TMC2: variants seen among roughly 807,000 people sequenced by gnomAD.
The protein encoded by TMC2 is transmembrane channel like 2.
Under a neutral mutation model 105.9 loss-of-function variants are expected in TMC2, and 102 were observed. That is an observed-to-expected ratio of 0.96 (90% CI 0.82 to 1.14). The LOEUF (loss-of-function observed/expected upper bound fraction) is 1.14. Ranked by LOEUF, TMC2 falls within the 50% of genes most tolerant of loss-of-function variation. The probability of loss-of-function intolerance (pLI) is 0.00; values close to 1 mark genes in which losing one functional copy is unlikely to be tolerated. For missense variants in TMC2, 1,093 were observed against 1,134.3 expected (o/e 0.96, Z 0.52); for synonymous variants, 402 against 422.8 (o/e 0.95, Z 0.60).
chr20:2,551,398 T>TG (rs1206738973), intron 2 of TMC2, among the ~76,000 whole-genome samples: 2 of 140,756 alleles, frequency 1.4e-5, no homozygotes, highest in South Asian at 4.4e-4. Context: ...TACTAGTTTG[T>TG]GGGTTTTTTT....
Position 2,641,255 on chromosome 20 carries a change from G to A in TMC2, c.2625G>A (p.Arg875=). ...LPASGHLPIS[R]PPGIGPDSGH... ...CCTCTGGACACCTTCCTATATCTCGGCCCCCTGGAATCGGACCAGATTCTG... is the reference window on the plus strand; with the variant it reads ...CCTCTGGACACCTTCCTATATCTCGACCCCCTGGAATCGGACCAGATTCTG... Residue 875 remains arginine (R), a synonymous_variant, in exon 20 of 20, where the codon CGG becomes CGA. Transcript: ENST00000358864. 1 of 1,614,030 alleles carries A rather than the reference G, an allele frequency of 6.2e-7. No individual in the cohort carries two copies. The highest frequency in any genetic ancestry group is 8.5e-7 in the Non-Finnish European group (1 of 1,179,988).
intron 19 of TMC2, among the ~76,000 whole-genome samples, chr20:2,639,015 C>G (rs2086669389): frequency 6.6e-6 from 1 of 152,094 alleles, no homozygotes; most frequent in Non-Finnish European, 1.5e-5. Context: ...CCTGCCTCAG[C>G]CTCCTGAGTA....
At chr20:2,579,466 G>T (rs2086173101) in intron 6 of TMC2, among the ~76,000 whole-genome samples, 1 of 151,268 alleles carries the variant, frequency 6.6e-6, no homozygotes, top group African/African-American at 2.4e-5. Flanking sequence ...CTGTTGCCCA[G>T]GCTGGAGTGC....
chr20:2,556,213 C>T (rs1340909927), intron 2 of TMC2, among the ~76,000 whole-genome samples: 1 of 152,108 alleles, frequency 6.6e-6, no homozygotes, highest in Non-Finnish European at 1.5e-5. Flanking sequence ...CTCAGCCTTC[C>T]CAGTAGCTGG....
chr20:2,639,653 C>A (rs1272850802), intron 19 of TMC2, among the ~76,000 whole-genome samples: 1 of 152,144 alleles, frequency 6.6e-6, no homozygotes, highest in Non-Finnish European at 1.5e-5. Context: ...AGTTTATATT[C>A]TCTGAAAAGA....
Position 2,558,644 on chromosome 20 carries a change from G to A in TMC2, c.271G>A (p.Ala91Thr), listed in dbSNP as rs1254261500. 1 of 1,576,220 alleles carries A rather than the reference G, an allele frequency of 6.3e-7. No homozygotes were observed. Among genetic ancestry groups the A allele is most frequent in the East Asian group, 2.3e-5 (1 of 43,234 alleles). Residue 91 changes from alanine (A) to threonine (T), a missense_variant, in exon 3 of 20, where the codon GCA (alanine) becomes ACA (threonine). Coordinates refer to ENST00000358864, the MANE Select transcript of TMC2 (RefSeq NM_080751.3). This position sits in a 1 kb window ranked among gnomAD's most constrained non-coding sequence, Gnocchi z 4.6. ...GCTGGGGGAGCAGGAGCGGGGCGAGGCAGAGAGGACCTGCGAGGGCAGGAG... is the reference window on the plus strand; with the variant it reads ...GCTGGGGGAGCAGGAGCGGGGCGAGACAGAGAGGACCTGCGAGGGCAGGAG... ...EELGEQERGE[A>T]ERTCEGRRKR...
intron 17 of TMC2, among the ~76,000 whole-genome samples, chr20:2,626,611 T>C (rs970181021): frequency 1.3e-5 from 2 of 152,246 alleles, no homozygotes; most frequent in Non-Finnish European, 2.9e-5. Context: ...AGTCATAGTA[T>C]TGTGGCCATC....
intron 5 of TMC2, among the ~76,000 whole-genome samples, chr20:2,576,923 T>G (rs1408278660): frequency 1.4e-5 from 2 of 147,462 alleles, no homozygotes; most frequent in African/African-American, 5.1e-5. Context: ...GTTTTTTTTT[T>G]TTTGAGATGG....
chr20:2,640,788 C>T (rs928497393), intron 19 of TMC2, among the ~76,000 whole-genome samples: 1 of 152,192 alleles, frequency 6.6e-6, no homozygotes, highest in African/African-American at 2.4e-5. Flanking sequence ...ACAATTCCCA[C>T]AGCCCCTCCC....
At chr20:2,629,436 A>C (rs189126266) in intron 17 of TMC2, among the ~76,000 whole-genome samples, 1 of 151,500 alleles carries the variant, frequency 6.6e-6, no homozygotes, top group Non-Finnish European at 1.5e-5. Context: ...GGAAGAAAAC[A>C]ACCAGGGAAT....
At chr20:2,559,053 G>T (rs1308791700) in intron 3 of TMC2, among the ~76,000 whole-genome samples, 48 of 151,998 alleles carry the variant, frequency 3.2e-4, no homozygotes, top group Non-Finnish European at 3.1e-4. Context: ...GGCGCGGGTG[G>T]AGAGGTGGCG....
Position 2,553,058 on chromosome 20 carries a change from TA to T in TMC2, c.83-5397del, listed in dbSNP as rs369837045. On this transcript the variant is annotated intron_variant, in intron 2 of 19. Transcript: ENST00000358864. ...TACTATCTGTGAACAAAGACAGTTT[TA>T]TTTTTTTGTTCCCATTTAGTCTACT... is the stretch of plus-strand genomic sequence containing the variant. 3.1e-3 allele frequency among the ~76,000 whole-genome samples: 472 copies of T among 152,292 alleles called. 4 individuals are homozygous for T. The highest frequency in any genetic ancestry group is 0.011 in the African/African-American group (445 of 41,528).
At chr20:2,619,102 T>C (rs1353468696) in intron 16 of TMC2, among the ~76,000 whole-genome samples, 2 of 152,080 alleles carry the variant, frequency 1.3e-5, no homozygotes, top group African/African-American at 2.4e-5. Flanking sequence ...GGGTCGTATA[T>C]GCAAAACAGC....
intron 4 of TMC2, among the ~76,000 whole-genome samples, chr20:2,570,165 A>C: frequency 6.6e-6 from 1 of 152,084 alleles, no homozygotes; most frequent in East Asian, 1.9e-4. Flanking sequence ...AATGAAAGGC[A>C]GGAAAGAAGG....
intron 10 of TMC2, among the ~76,000 whole-genome samples, chr20:2,598,016 C>T (rs372964938): frequency 2.0e-5 from 3 of 152,082 alleles, no homozygotes; most frequent in Non-Finnish European, 4.4e-5. Flanking sequence ...AGGGTCCTGA[C>T]ATTGGTTTTT....
intron 17 of TMC2, among the ~76,000 whole-genome samples, chr20:2,630,992 A>G (rs929716069): frequency 5.3e-5 from 8 of 152,082 alleles, no homozygotes; most frequent in African/African-American, 1.9e-4. Flanking sequence ...TATATGTCTT[A>G]TGTATTTTTG....
chr20:2,642,307 T>C lies in TMC2; in HGVS notation c.*956T>C, dbSNP rs1255748538. ...GAGTGGGGATTGGTGGGAAGACTGG[T>C]GATACCCCAGTACCCAGCCCAAGGG... On this transcript the variant is annotated 3_prime_UTR_variant, in exon 20 of 20. Coordinates refer to ENST00000358864, the MANE Select transcript of TMC2 (RefSeq NM_080751.3). 6.6e-6 allele frequency among the ~76,000 whole-genome samples: 1 copy of C among 152,104 alleles called. No homozygotes were observed. The highest frequency in any genetic ancestry group is 1.9e-4 in the East Asian group (1 of 5,180).
In TMC2 at chr20:2,617,227, T is replaced by A. The variant is rs571513646; in HGVS notation, c.2096T>A (p.Leu699Gln). 1.9e-6 allele frequency: 3 copies of A among 1,614,242 alleles called. No homozygotes were observed. The highest frequency in any genetic ancestry group is 1.7e-5 in the Admixed American group (1 of 60,028). Residue 699 changes from leucine (L) to glutamine (Q), a missense_variant, in exon 16 of 20, where the codon CTG becomes CAG. By Grantham distance (113) the Leu-to-Gln change is moderately radical (BLOSUM62 -2). Coordinates refer to ENST00000358864, the MANE Select transcript of TMC2 (RefSeq NM_080751.3). Reference protein sequence around the residue: ...SRSNNFYMGLLLLVLFLSLLP... With the variant: ...SRSNNFYMGLQLLVLFLSLLP... ...TCCAACAACTTCTACATGGGCCTCCTGCTGCTGGTGCTCTTCCTCAGCCTC... is the reference window on the plus strand; with the variant it reads ...TCCAACAACTTCTACATGGGCCTCCAGCTGCTGGTGCTCTTCCTCAGCCTC...
At chr20:2,540,965 G>A (rs4813527) in intron 2 of TMC2, among the ~76,000 whole-genome samples, 39,366 of 151,892 alleles carry the variant, frequency 0.26, 5,961 homozygotes, top group Admixed American at 0.37. Flanking sequence ...GAACACACCC[G>A]GGACGCAGCT....
Sources: gnomAD v4.1 joint callset for allele counts (sites outside exome capture counted in the v4.1 genomes callset) on GRCh38, gnomAD v4.1.1 for gene constraint, Gnocchi (gnomAD v3.1) non-coding constraint, MANE v1.5 for transcripts, NCBI Gene and HGNC (gene_info 2026-07-23, HGNC 2026-07-21) for gene names.